NPR3: variants seen among roughly 807,000 people sequenced by gnomAD.
NPR3 encodes natriuretic peptide receptor 3.
Under a neutral mutation model 54.5 loss-of-function variants are expected in NPR3, and 34 were observed. The ratio of observed to expected loss-of-function variants is 0.62; its 90% CI spans 0.47 to 0.83. NPR3 has a LOEUF of 0.83. Ranked by LOEUF, NPR3 falls within the 40% of genes least tolerant of loss-of-function variation. NPR3 has a pLI of 0.00. For synonymous variants in NPR3, 289 were observed against 297.1 expected, an observed-to-expected ratio of 0.97 and a Z score of 0.28; for missense variants, 674 against 720.8, an observed-to-expected ratio of 0.94 and a Z score of 0.74.
At chr5:32,733,624 G>C (rs570277817) in intron 2 of NPR3, among the ~76,000 whole-genome samples, 6 of 152,262 alleles carry the variant, frequency 3.9e-5, no homozygotes, top group African/African-American at 1.4e-4. Flanking sequence ...GCTAAAAATG[G>C]AAAAATAACA....
intron 1 of NPR3, among the ~76,000 whole-genome samples, chr5:32,713,813 G>T (rs1738396824): frequency 6.6e-6 from 1 of 152,250 alleles, no homozygotes; most frequent in Non-Finnish European, 1.5e-5. Flanking sequence ...GGCCACCTCG[G>T]ACTCACCCTT....
At chr5:32,749,602 G>A (rs1030123262) in intron 3 of NPR3, among the ~76,000 whole-genome samples, 4 of 152,110 alleles carry the variant, frequency 2.6e-5, no homozygotes, top group African/African-American at 9.7e-5. Context: ...CTTATCTTAG[G>A]TTGTTCAGTT....
intron 1 of NPR3, chr5:32,713,482 C>T (rs930664491): frequency 1.0e-6 from 1 of 982,494 alleles, no homozygotes; most frequent in African/African-American, 1.7e-5. Flanking sequence ...CGGTATAGCG[C>T]CGATCCCTCC....
intron 1 of NPR3, chr5:32,716,433 A>G (rs1316386189): frequency 2.2e-6 from 1 of 454,422 alleles, no homozygotes; most frequent in South Asian, 1.6e-5. Flanking sequence ...TCTCTTCTTG[A>G]TCATTCTACT....
At chr5:32,750,799 T>G (rs1042298538) in intron 3 of NPR3, among the ~76,000 whole-genome samples, 1 of 152,208 alleles carries the variant, frequency 6.6e-6, no homozygotes. Flanking sequence ...ACTAACTCAG[T>G]GCATTCTTTT....
rs542973204 is a variant in NPR3, at chr5:32,701,099, C to T, written c.100+11913C>T. On this transcript the variant is annotated intron_variant, in intron 1 of 5. Transcript: ENST00000509104. ...TTAATGATCACCATTCTAACTGGCG[C>T]GAGATGGTATCTCATTGTATTTTTG... Among the ~76,000 whole-genome samples, 106 of 152,208 alleles carry T rather than the reference C, an allele frequency of 7.0e-4. 2 individuals carry two copies. The highest frequency in any genetic ancestry group is 6.8e-3 in the South Asian group (33 of 4,822).
chr5:32,760,539 T>A (rs1261461333), intron 3 of NPR3, among the ~76,000 whole-genome samples: 1 of 152,180 alleles, frequency 6.6e-6, no homozygotes, highest in Non-Finnish European at 1.5e-5. Flanking sequence ...TAGCCTGTCT[T>A]TTTATTGTTG....
intron 2 of NPR3, among the ~76,000 whole-genome samples, chr5:32,728,829 GTGTGTGTGTA>G (rs1180915456): frequency 3.2e-3 from 245 of 76,136 alleles, no homozygotes; most frequent in African/African-American, 9.8e-3. Context: ...GTGTGTGTGT[GTGTGTGTGTA>G]TATATATATA....
At chr5:32,710,920 G>GTGTA (rs1561072961), upstream of NPR3, 4 of 703,062 alleles carry the variant, frequency 5.7e-6, no homozygotes, top group Non-Finnish European at 7.9e-6. Context: ...GTGTGTGTAT[G>GTGTA]TGTGCGTGCG....
intron 3 of NPR3, among the ~76,000 whole-genome samples, chr5:32,748,069 A>C (rs1210420296): frequency 6.6e-6 from 1 of 152,048 alleles, no homozygotes; most frequent in Admixed American, 6.6e-5. Flanking sequence ...ATCTTTTGAG[A>C]CTTTGAGTAT....
chr5:32,767,781 T>C (rs1202464237), intron 3 of NPR3, among the ~76,000 whole-genome samples: 2 of 152,178 alleles, frequency 1.3e-5, no homozygotes, highest in South Asian at 2.1e-4. Flanking sequence ...AAAACCTGTA[T>C]TTTTGTTCAT....
chr5:32,754,170 T>C (rs1740715351), intron 3 of NPR3, among the ~76,000 whole-genome samples: 1 of 152,106 alleles, frequency 6.6e-6, no homozygotes, highest in African/African-American at 2.4e-5. Context: ...CTGCTATCCA[T>C]GTGGGTGGAT....
At position 32,725,813 on chromosome 5, in the gene NPR3, A is replaced by G. The variant is rs144587704; in HGVS notation, c.892+993A>G. Among the ~76,000 whole-genome samples the G allele has an allele frequency of 1.9e-3, 282 of 152,330 alleles. 1 individual carries two copies. Among genetic ancestry groups the G allele is most frequent in the African/African-American group, 6.5e-3 (270 of 41,574 alleles). On this transcript the variant is annotated intron_variant, in intron 2 of 7. Transcript: ENST00000265074. ...TAACTGTTACTGCAAATTGAGGTAC[A>G]AATCATTTGAAAGCCACTGCTCCCA...
chr5:32,712,569 C>G (rs767656835), intron 1 of NPR3, 24 bp downstream of exon 1: 1 of 1,502,108 alleles, frequency 6.7e-7, no homozygotes, highest in Non-Finnish European at 8.8e-7. Flanking sequence ...CGTCCCGGGC[C>G]CCGGGCCCTA....
At chr5:32,773,129 G>A (rs1741858742) in intron 3 of NPR3, among the ~76,000 whole-genome samples, 1 of 152,182 alleles carries the variant, frequency 6.6e-6, no homozygotes, top group South Asian at 2.1e-4. Context: ...GGGGCGGGTA[G>A]CAGGTTTTCC....
rs1561073855 is a variant in NPR3 at position 32,711,576 on chromosome 5, T to TTTTTA, written c.-201_-200insTTTTA. 3.1e-3 allele frequency: 3,839 copies of TTTTTA among 1,240,688 alleles called. 102 individuals carry two copies. In the African/African-American group the frequency reaches 0.053, roughly 17 times the overall value. 76.9% of individuals were successfully genotyped at this position (1,240,688 alleles called of 1,614,324 possible). A position where few individuals can be genotyped will look rare whatever the true frequency, so the allele number is the denominator to read the frequency against. On this transcript the variant is annotated 5_prime_UTR_variant, in exon 1 of 8. Coordinates refer to ENST00000265074, the MANE Select transcript of NPR3 (RefSeq NM_001204375.2). ...TTTCTTTTTCTTTTTCTTTTTTTTT[T>TTTTTA]AAGAAAAACTAGTGACATTGCAGAG... is the stretch of plus-strand genomic sequence containing the variant.
intron 3 of NPR3, among the ~76,000 whole-genome samples, chr5:32,772,751 G>A (rs1363875291): frequency 6.6e-6 from 1 of 152,116 alleles, no homozygotes; most frequent in Non-Finnish European, 1.5e-5. Context: ...GATTCTGCCA[G>A]ACACTATTTG....
intron 1 of NPR3, among the ~76,000 whole-genome samples, chr5:32,718,753 G>A (rs917822306): frequency 5.9e-4 from 90 of 152,190 alleles, no homozygotes; most frequent in Non-Finnish European, 6.0e-4. Context: ...TTTGGGCTGA[G>A]ACAATGGGGT....
intron 3 of NPR3, among the ~76,000 whole-genome samples, chr5:32,764,131 C>T (rs1741319913): frequency 6.6e-6 from 1 of 152,168 alleles, no homozygotes; most frequent in Non-Finnish European, 1.5e-5. Context: ...AGCTTCTCAG[C>T]CTACCCTCTT....
Sources: gnomAD v4.1 joint callset for allele counts (sites outside exome capture counted in the v4.1 genomes callset) on GRCh38, gnomAD v4.1.1 for gene constraint, MANE v1.5 for transcripts, NCBI Gene and HGNC (gene_info 2026-07-23, HGNC 2026-07-21) for gene names.